The following ATP13A4 variants were observed in gnomAD, a reference collection of about 807,000 sequenced individuals.
ATP13A4 encodes the protein probable cation-transporting ATPase 13A4.
Under a neutral mutation model 142.5 loss-of-function variants are expected in ATP13A4, and 114 were observed. The ratio of observed to expected loss-of-function variants is 0.80; its 90% CI spans 0.69 to 0.93. The LOEUF (loss-of-function observed/expected upper bound fraction) is 0.93, where lower values mean the gene tolerates loss of function less well. Among genes scored for constraint, ATP13A4 ranks in the 40% least tolerant of loss-of-function variants. The probability of loss-of-function intolerance (pLI) is 0.00; values close to 1 mark genes in which losing one functional copy is unlikely to be tolerated. For synonymous variants in ATP13A4, 488 were observed against 514.8 expected, an observed-to-expected ratio of 0.95 and a Z score of 0.70; for missense variants, 1,392 against 1,454.0, an observed-to-expected ratio of 0.96 and a Z score of 0.69.
At chr3:193,544,510 C>G (rs115023624) in intron 1 of ATP13A4, among the ~76,000 whole-genome samples, 4,228 of 152,208 alleles carry the variant, frequency 0.028, 60 homozygotes, top group East Asian at 0.032. Context: ...AAGCCTAGCA[C>G]TGAGTCATAA....
At chr3:193,472,370 C>T (rs1445966735) in intron 8 of ATP13A4, among the ~76,000 whole-genome samples, 1 of 152,202 alleles carries the variant, frequency 6.6e-6, no homozygotes, top group Non-Finnish European at 1.5e-5. Context: ...TGTTGCAGTA[C>T]CCCTGTGCTT....
chr3:193,496,511 T>C (rs1479706881), intron 3 of ATP13A4, among the ~76,000 whole-genome samples: 1 of 152,134 alleles, frequency 6.6e-6, no homozygotes, highest in Non-Finnish European at 1.5e-5. Flanking sequence ...AGATAGGCCC[T>C]GAGGCATAGT....
At position 193,471,117 on chromosome 3, in the gene ATP13A4, A is replaced by G. The variant is rs757664830; in HGVS notation, c.809-124T>C. ...ACATTTTTTTTTTAGAAAGGAGAAC[A>G]TTCCTCAACATTGATTCAAAATTTG... On this transcript the variant is annotated intron_variant, in intron 8 of 29. Coordinates refer to ENST00000342695, the MANE Select transcript of ATP13A4 (RefSeq NM_032279.4). The G allele has an allele frequency of 1.6e-4, 198 of 1,235,656 alleles. 1 individual carries two copies. The highest frequency in any genetic ancestry group is 2.2e-4 in the Non-Finnish European group (189 of 852,662). 76.5% of individuals were successfully genotyped at this position (1,235,656 alleles called of 1,614,324 possible).
At chr3:193,576,503 C>T (rs1217711508) in intron 2 of ATP13A4, among the ~76,000 whole-genome samples, 1 of 150,902 alleles carries the variant, frequency 6.6e-6, no homozygotes, top group Non-Finnish European at 1.5e-5. Flanking sequence ...GATCTCCTGA[C>T]CTCATGATCC....
intron 1 of ATP13A4, among the ~76,000 whole-genome samples, chr3:193,516,466 C>T (rs1336266414): frequency 6.6e-6 from 1 of 152,198 alleles, no homozygotes; most frequent in Admixed American, 6.5e-5. Flanking sequence ...CAAGCCATTG[C>T]TCTCCAGATG....
intron 7 of ATP13A4, among the ~76,000 whole-genome samples, chr3:193,484,681 T>G (rs1719500663): frequency 6.6e-6 from 1 of 152,168 alleles, no homozygotes; most frequent in African/African-American, 2.4e-5. Flanking sequence ...AAAGACAGGG[T>G]GTTCTGCTTT....
At chr3:193,465,644 G>A (rs1718231196) in intron 11 of ATP13A4, among the ~76,000 whole-genome samples, 1 of 152,116 alleles carries the variant, frequency 6.6e-6, no homozygotes, top group African/African-American at 2.4e-5. Flanking sequence ...TAACGTACTA[G>A]TCTGCCATGA....
chr3:193,536,910 G>T (rs572637100), intron 1 of ATP13A4, among the ~76,000 whole-genome samples: 3 of 152,010 alleles, frequency 2.0e-5, no homozygotes, highest in East Asian at 1.9e-4. Context: ...AACACCTACA[G>T]AACTTATATG....
rs776106725 is a variant in ATP13A4 at position 193,489,761 on chromosome 3, G to A, written c.707C>T (p.Ser236Phe). 9.9e-6 allele frequency: 16 copies of A among 1,610,558 alleles called. No individual in the cohort carries two copies. The Admixed American group carries it at 2.7e-4, about 27-fold the overall frequency. Reference protein sequence around the residue: ...AFAIIIMSIISISLTVYDLRE... With the variant: ...AFAIIIMSIIFISLTVYDLRE... ...GAGATCATATACTGTCAAAGATATGGAAATTATGGACATGATTATGATGGC... is the reference window on the plus strand; with the variant it reads ...GAGATCATATACTGTCAAAGATATGAAAATTATGGACATGATTATGATGGC... The change falls in exon 7 of 30, where the codon TCC becomes TTC. Residue 236 changes from serine to phenylalanine, a missense_variant. By Grantham distance (155) the Ser-to-Phe change is radical (BLOSUM62 -2). Transcript: ENST00000342695.
chr3:193,457,708 G>A (rs1323412216), intron 14 of ATP13A4, among the ~76,000 whole-genome samples: 2 of 152,196 alleles, frequency 1.3e-5, no homozygotes, highest in Admixed American at 6.5e-5. Context: ...TTTCTCTGTT[G>A]GAATGTGCTG....
Position 193,457,444 on chromosome 3 carries a change from C to T in ATP13A4, c.1696G>A (p.Asp566Asn), listed in dbSNP as rs778752011. 6 of 1,614,010 alleles carry T rather than the reference C, an allele frequency of 3.7e-6. No individual in the cohort carries two copies. The highest frequency in any genetic ancestry group is 4.2e-6 in the Non-Finnish European group (5 of 1,180,014). Residue 566 changes from aspartate (D) to asparagine (N), a missense_variant, in exon 15 of 30, where the codon GAT becomes AAT. Physicochemically the swap from Asp to Asn is conservative, Grantham distance 23 (BLOSUM62 1). Transcript: ENST00000342695. ...TTWEMAFSGDDFHIKGVPAHA... is the reference protein window; with the variant it reads ...TTWEMAFSGDNFHIKGVPAHA... Reference sequence around the variant, plus strand: ...GCCGGCACTCCCTTGATGTGGAAATCGTCCCCAGAAAAAGCCATTTCCTAT... The same window carrying T: ...GCCGGCACTCCCTTGATGTGGAAATTGTCCCCAGAAAAAGCCATTTCCTAT...
chr3:193,456,905 C>A, intron 16 of ATP13A4, 95 bp downstream of exon 16: 2 of 1,454,464 alleles, frequency 1.4e-6, no homozygotes, highest in Admixed American at 2.0e-5. Context: ...TTGGTGATGA[C>A]CCATAGGCGA....
chr3:193,466,310 A>C (rs1361034928), intron 10 of ATP13A4, 128 bp from the exon 11 acceptor site: 1 of 1,143,782 alleles, frequency 8.7e-7, no homozygotes, highest in Non-Finnish European at 1.3e-6. Context: ...AAGGCAATTG[A>C]AAGATAACTA....
chr3:193,493,187 C>T (rs1438170884), intron 3 of ATP13A4, 27 bp from the exon 4 acceptor site: 12 of 1,599,844 alleles, frequency 7.5e-6, no homozygotes, highest in Admixed American at 1.7e-5. Context: ...CTAAGAAAAC[C>T]TCTAGTTTGA....
rs1714963246 is a variant in ATP13A4 at position 193,414,713 on chromosome 3, G to A, written c.2880C>T (p.Phe960=). The A allele has an allele frequency of 6.2e-7, 1 of 1,614,150 alleles. No individual in the cohort carries two copies. The highest frequency in any genetic ancestry group is 8.5e-7 in the Non-Finnish European group (1 of 1,180,002). The change falls in exon 26 of 30, where the codon TTC becomes TTT. Residue 960 remains phenylalanine, a synonymous_variant. Coordinates refer to ENST00000342695, the MANE Select transcript of ATP13A4 (RefSeq NM_032279.4). ...LNGAYPKLVP[F]RPAGRLISPP... is the part of the protein sequence containing the mutation. Reference sequence around the variant, plus strand: ...GAGAGATCAGCCGTCCTGCAGGTCTGAAAGGCACCAGCTTAGGGTAGGCAC... The same window carrying A: ...GAGAGATCAGCCGTCCTGCAGGTCTAAAAGGCACCAGCTTAGGGTAGGCAC...
chr3:193,470,075 T>C (rs781354267), intron 9 of ATP13A4, among the ~76,000 whole-genome samples: 78 of 152,212 alleles, frequency 5.1e-4, no homozygotes, highest in Non-Finnish European at 1.0e-3. Context: ...TGATCTGAAC[T>C]TGAATGGGAA....
intron 25 of ATP13A4, among the ~76,000 whole-genome samples, chr3:193,425,947 A>G (rs1450065048): frequency 6.6e-6 from 1 of 151,850 alleles, no homozygotes; most frequent in Non-Finnish European, 1.5e-5. Context: ...CTATTACACA[A>G]CGTATACATG....
chr3:193,516,751 TC>T (rs1252200918), intron 1 of ATP13A4, among the ~76,000 whole-genome samples: 2 of 152,210 alleles, frequency 1.3e-5, no homozygotes, highest in African/African-American at 4.8e-5. Context: ...GTTACTCGGT[TC>T]TATAGCAAAA....
chr3:193,555,557 A>G (rs142132461), upstream of ATP13A4, among the ~76,000 whole-genome samples: 745 of 152,340 alleles, frequency 4.9e-3, 12 homozygotes, highest in African/African-American at 0.017. Context: ...ACACTTAAGG[A>G]AGTCTAGAAA....
Sources: gnomAD v4.1 joint callset for allele counts (sites outside exome capture counted in the v4.1 genomes callset) on GRCh38, gnomAD v4.1.1 for gene constraint, MANE v1.5 for transcripts, NCBI Gene and HGNC (gene_info 2026-07-23, HGNC 2026-07-21) for gene names.